Variants in ABCC1 observed in about 807,000 individuals in gnomAD.
ABCC1 encodes multidrug resistance-associated protein 1.
Under a neutral mutation model 172.9 loss-of-function variants are expected in ABCC1, and 83 were observed. That is an observed-to-expected ratio of 0.48 (90% CI 0.40 to 0.58). ABCC1 has a LOEUF of 0.58. ABCC1 is among the 20% of genes least tolerant of loss of function. The pLI is 0.00. For missense variants in ABCC1, 1,817 were observed against 2,002.7 expected, an observed-to-expected ratio of 0.91 and a Z score of 1.77; for synonymous variants, 937 against 825.2, an observed-to-expected ratio of 1.14 and a Z score of -2.32.
chr16:16,027,130 C>A (rs967600732), intron 5 of ABCC1, among the ~76,000 whole-genome samples: 2 of 152,062 alleles, frequency 1.3e-5, no homozygotes, highest in African/African-American at 4.8e-5. Context: ...CTGAAGAAGA[C>A]TGGATTTGCA....
chr16:16,136,261 T>C (rs2045913575), intron 28 of ABCC1, among the ~76,000 whole-genome samples: 1 of 152,124 alleles, frequency 6.6e-6, no homozygotes, highest in African/African-American at 2.4e-5. Context: ...TGACCTTAAG[T>C]GATCCACTCG....
intron 11 of ABCC1, among the ~76,000 whole-genome samples, chr16:16,053,918 G>T (rs555895566): frequency 6.7e-5 from 10 of 148,476 alleles, no homozygotes; most frequent in Non-Finnish European, 1.5e-4. Flanking sequence ...AACTTTCTAC[G>T]TATGTATATA....
intron 1 of ABCC1, among the ~76,000 whole-genome samples, chr16:15,951,909 C>G (rs1350806992): frequency 6.6e-6 from 1 of 152,290 alleles, no homozygotes; most frequent in South Asian, 2.1e-4. Context: ...AGGCTGGTCT[C>G]CTACTCCTGG....
chr16:16,140,547 G>A (rs1273165029), intron 30 of ABCC1, among the ~76,000 whole-genome samples: 1 of 152,170 alleles, frequency 6.6e-6, no homozygotes, highest in Non-Finnish European at 1.5e-5. Flanking sequence ...AGTGGCAGAT[G>A]CTGAGTTGGT....
intron 10 of ABCC1, among the ~76,000 whole-genome samples, chr16:16,052,282 G>T (rs1045229689): frequency 6.6e-6 from 1 of 152,086 alleles, no homozygotes; most frequent in African/African-American, 2.4e-5. Context: ...GATCGCTGGA[G>T]CCCAGGAGTT....
intron 10 of ABCC1, among the ~76,000 whole-genome samples, chr16:16,052,311 T>A (rs2049462569): frequency 6.6e-6 from 1 of 151,906 alleles, no homozygotes; most frequent in Non-Finnish European, 1.5e-5. Context: ...GCCTGGGCAA[T>A]GTAGCAAGAC....
chr16:16,040,375 C>T (rs58478475), intron 7 of ABCC1, among the ~76,000 whole-genome samples: 2,297 of 151,728 alleles, frequency 0.015, 75 homozygotes, highest in African/African-American at 0.052. Context: ...GCAACCTCCA[C>T]CCCCCGGGTT....
chr16:15,950,472 A>G (rs765681613), intron 1 of ABCC1, among the ~76,000 whole-genome samples: 1 of 152,154 alleles, frequency 6.6e-6, no homozygotes, highest in African/African-American at 2.4e-5. Context: ...GAGGACGCCC[A>G]GGACCCTGGT....
At chr16:15,976,025 G>T (rs1384373934) in intron 1 of ABCC1, among the ~76,000 whole-genome samples, 1 of 151,982 alleles carries the variant, frequency 6.6e-6, no homozygotes, top group Admixed American at 6.6e-5. Context: ...CAGCACTTTG[G>T]GAGGCTGAGG....
intron 1 of ABCC1, among the ~76,000 whole-genome samples, chr16:15,999,161 T>C (rs889463233): frequency 6.6e-5 from 10 of 151,872 alleles, no homozygotes; most frequent in Admixed American, 5.9e-4. Context: ...CCACCACACC[T>C]GGCTAATTTG....
At chr16:16,013,308 T>G (rs12920011) in intron 3 of ABCC1, among the ~76,000 whole-genome samples, 34,892 of 150,802 alleles carry the variant, frequency 0.23, 5,127 homozygotes, top group African/African-American at 0.41. Flanking sequence ...TCTCACTCTG[T>G]CGCCCAGGCT....
chr16:16,006,847 T>C (rs1040859667), intron 1 of ABCC1, among the ~76,000 whole-genome samples: 19 of 89,694 alleles, frequency 2.1e-4, no homozygotes, highest in Admixed American at 2.1e-3. Context: ...TTATCCGTGG[T>C]GGTGGCGGTG....
intron 1 of ABCC1, among the ~76,000 whole-genome samples, chr16:15,995,151 A>G (rs2047013674): frequency 1.3e-5 from 2 of 151,846 alleles, no homozygotes; most frequent in East Asian, 2.0e-4. Flanking sequence ...ACGAAACATC[A>G]AATTCCTGAC....
chr16:16,136,710 T>G (rs2045931277), intron 29 of ABCC1, 66 bp downstream of exon 29: 8 of 1,546,852 alleles, frequency 5.2e-6, no homozygotes, highest in Non-Finnish European at 6.1e-6. Context: ...TAGGGGTGTT[T>G]GAAGATTCTG....
chr16:16,134,284 A>C, intron 27 of ABCC1, 66 bp from the exon 28 acceptor site: 3 of 1,596,710 alleles, frequency 1.9e-6, no homozygotes, highest in Admixed American at 3.4e-5. Flanking sequence ...AGATGAGGGC[A>C]CTTTGGGGCA....
intron 1 of ABCC1, among the ~76,000 whole-genome samples, chr16:15,951,266 C>T (rs980140000): frequency 6.6e-6 from 1 of 152,110 alleles, no homozygotes; most frequent in Non-Finnish European, 1.5e-5. Flanking sequence ...GGTGAACATC[C>T]ATGAGGTTTT....
At chr16:16,033,727 G>A (rs968453394) in intron 6 of ABCC1, among the ~76,000 whole-genome samples, 5 of 151,996 alleles carry the variant, frequency 3.3e-5, no homozygotes, top group Admixed American at 3.3e-4. Context: ...AGGTTCAAGC[G>A]ATTCTCCTGC....
At chr16:16,056,720 G>A (rs1021859567) in intron 12 of ABCC1, among the ~76,000 whole-genome samples, 2 of 152,072 alleles carry the variant, frequency 1.3e-5, no homozygotes, top group African/African-American at 4.8e-5. Flanking sequence ...TGAACACTTG[G>A]TTTAAACATT....
intron 10 of ABCC1, among the ~76,000 whole-genome samples, chr16:16,052,294 G>A (rs905426882): frequency 5.3e-5 from 8 of 152,098 alleles, no homozygotes; most frequent in African/African-American, 1.9e-4. Context: ...CCAGGAGTTG[G>A]AGACCAGCCT....
Sources: allele counts gnomAD v4.1 joint callset (sites outside exome capture counted in the v4.1 genomes callset), GRCh38; gene constraint gnomAD v4.1.1; transcripts MANE v1.5; gene names NCBI Gene and HGNC (gene_info 2026-07-23, HGNC 2026-07-21).